NTNG1: variants seen among roughly 807,000 people sequenced by gnomAD.
NTNG1 encodes netrin-G1.
In NTNG1, 16 loss-of-function variants were observed where a neutral mutation model predicts 54.0. The ratio of observed to expected loss-of-function variants is 0.30; its 90% CI spans 0.20 to 0.45. The LOEUF (loss-of-function observed/expected upper bound fraction) is 0.45, where lower values mean the gene tolerates loss of function less well. Ranked by LOEUF, NTNG1 falls within the 20% of genes least tolerant of loss-of-function variation. NTNG1 has a pLI of 1.00. For missense variants in NTNG1, 530 were observed against 678.7 expected (o/e 0.78, Z 2.43); for synonymous variants, 255 against 263.1 (o/e 0.97, Z 0.30).
chr1:107,321,952 T>C (rs746449255), intron 2 of NTNG1, among the ~76,000 whole-genome samples: 25 of 152,122 alleles, frequency 1.6e-4, no homozygotes, highest in Non-Finnish European at 2.2e-4. Context: ...CCTCTGTGCC[T>C]CAATTTCCTC....
chr1:107,351,345 T>C (rs1364391193), intron 3 of NTNG1, among the ~76,000 whole-genome samples: 1 of 152,174 alleles, frequency 6.6e-6, no homozygotes, highest in Non-Finnish European at 1.5e-5. Context: ...AGATGTTCAA[T>C]TGACTCACAG....
chr1:107,397,618 A>G (rs1055641695), intron 4 of NTNG1, among the ~76,000 whole-genome samples: 1 of 152,192 alleles, frequency 6.6e-6, no homozygotes, highest in African/African-American at 2.4e-5. Context: ...TGTTTAGCCT[A>G]ACACCTGTCA....
At chr1:107,274,948 T>C (rs985215444) in intron 2 of NTNG1, among the ~76,000 whole-genome samples, 1 of 152,224 alleles carries the variant, frequency 6.6e-6, no homozygotes, top group Non-Finnish European at 1.5e-5. Flanking sequence ...TGCTTTTCTG[T>C]GTTCCCTGAG....
intron 2 of NTNG1, among the ~76,000 whole-genome samples, chr1:107,213,826 T>G (rs116828711): frequency 3.7e-4 from 56 of 152,266 alleles, no homozygotes; most frequent in African/African-American, 1.3e-3. Context: ...AAGGGAGAAT[T>G]AAGGCACCAA....
At chr1:107,403,279 A>C (rs1156279461) in intron 4 of NTNG1, among the ~76,000 whole-genome samples, 1 of 152,104 alleles carries the variant, frequency 6.6e-6, no homozygotes, top group East Asian at 1.9e-4. Flanking sequence ...GTGCTTTCTC[A>C]TTTTTTCAGC....
At chr1:107,294,745 T>G (rs1373746567) in intron 2 of NTNG1, among the ~76,000 whole-genome samples, 1 of 152,102 alleles carries the variant, frequency 6.6e-6, no homozygotes, top group African/African-American at 2.4e-5. Context: ...TAGTGAGAGT[T>G]TGTAGTTCTT....
chr1:107,246,983 TA>T (rs1467393078), intron 2 of NTNG1, among the ~76,000 whole-genome samples: 3 of 152,230 alleles, frequency 2.0e-5, no homozygotes, highest in Admixed American at 1.3e-4. Context: ...TCTGTGGCTT[TA>T]TTGATGTGGC....
chr1:107,209,704 A>G (rs922329530), intron 2 of NTNG1, among the ~76,000 whole-genome samples: 1 of 152,072 alleles, frequency 6.6e-6, no homozygotes, highest in African/African-American at 2.4e-5. Context: ...ATCCTCTTTC[A>G]TATAGTGGCA....
intron 7 of NTNG1, among the ~76,000 whole-genome samples, chr1:107,477,047 A>G (rs555383672): frequency 1.3e-5 from 2 of 152,364 alleles, no homozygotes; most frequent in East Asian, 3.9e-4. Flanking sequence ...GTAAGCAGGA[A>G]CCATCTATCA....
chr1:107,348,527 T>A (rs1332976759), intron 3 of NTNG1, among the ~76,000 whole-genome samples: 1 of 152,190 alleles, frequency 6.6e-6, no homozygotes, highest in East Asian at 1.9e-4. Flanking sequence ...GGCTGTCCAC[T>A]GTTGTGCCTC....
At chr1:107,181,382 T>C (rs188774473) in intron 2 of NTNG1, among the ~76,000 whole-genome samples, 7 of 152,278 alleles carry the variant, frequency 4.6e-5, no homozygotes, top group Admixed American at 3.9e-4. Flanking sequence ...TTTTCAATTG[T>C]TATTAGAGGA....
At chr1:107,450,122 T>C (rs1206338260) in intron 7 of NTNG1, among the ~76,000 whole-genome samples, 1 of 152,142 alleles carries the variant, frequency 6.6e-6, no homozygotes, top group Non-Finnish European at 1.5e-5. Flanking sequence ...TTAACACCTG[T>C]TAATTTTTAA....
At chr1:107,466,074 G>A (rs1344390341) in intron 7 of NTNG1, among the ~76,000 whole-genome samples, 1 of 152,202 alleles carries the variant, frequency 6.6e-6, no homozygotes, top group Non-Finnish European at 1.5e-5. Flanking sequence ...GGGAGGTCCT[G>A]ACTATAGTAT....
intron 2 of NTNG1, among the ~76,000 whole-genome samples, chr1:107,192,390 T>C (rs1026364912): frequency 6.6e-6 from 1 of 152,032 alleles, no homozygotes; most frequent in Non-Finnish European, 1.5e-5. Context: ...TAGATGGATT[T>C]TGTTCAAAAG....
At position 107,407,940 on chromosome 1, in the gene NTNG1, A is replaced by G. The variant is rs912681114; in HGVS notation, c.1087+232A>G. On this transcript the variant is annotated intron_variant, in intron 5 of 7. Coordinates refer to ENST00000370068, the MANE Select transcript of NTNG1 (RefSeq NM_001113226.3). ...TGGCAGTGCTATGACTTTTCTGACT[A>G]CTCTTAACCAGTGAGGGCTACCTAG... The G allele has an allele frequency of 4.2e-6, 3 of 710,096 alleles. No individual in the cohort carries two copies. In the African/African-American group the frequency reaches 5.2e-5, roughly 12 times the overall value. The allele number at this position is 710,096 out of a possible 1,614,324, so 44.0% of individuals were successfully genotyped here.
intron 3 of NTNG1, among the ~76,000 whole-genome samples, chr1:107,362,295 TG>T (rs1460018972): frequency 3.9e-5 from 6 of 152,236 alleles, no homozygotes; most frequent in African/African-American, 1.4e-4. Flanking sequence ...AAATTCTGGA[TG>T]CACTAGCTGG....
At chr1:107,256,775 C>T (rs1220829624) in intron 2 of NTNG1, among the ~76,000 whole-genome samples, 1 of 152,146 alleles carries the variant, frequency 6.6e-6, no homozygotes, top group East Asian at 1.9e-4. Flanking sequence ...ATTCATTTGG[C>T]ATTTACCCTG....
At chr1:107,292,538 C>G (rs1665680700) in intron 2 of NTNG1, among the ~76,000 whole-genome samples, 1 of 152,076 alleles carries the variant, frequency 6.6e-6, no homozygotes, top group Non-Finnish European at 1.5e-5. Flanking sequence ...AAGGCAGTCT[C>G]CCCCAAAATA....
chr1:107,159,064 C>CT (rs1195197246), intron 2 of NTNG1, among the ~76,000 whole-genome samples: 9 of 152,190 alleles, frequency 5.9e-5, no homozygotes, highest in African/African-American at 1.7e-4. Context: ...ATATTGTGGA[C>CT]CGTCTGCATG....
Sources: allele counts gnomAD v4.1 joint callset (sites outside exome capture counted in the v4.1 genomes callset), GRCh38; gene constraint gnomAD v4.1.1; transcripts MANE v1.5; gene names NCBI Gene and HGNC (gene_info 2026-07-23, HGNC 2026-07-21).